GABRB1: variants seen among roughly 807,000 people sequenced by gnomAD.
The protein encoded by GABRB1 is gamma-aminobutyric acid receptor subunit beta-1.
Under a neutral mutation model 51.6 loss-of-function variants are expected in GABRB1, and 17 were observed. The observed-to-expected ratio is 0.33, with a 90% confidence interval of 0.23 to 0.49. GABRB1 has a LOEUF of 0.49. GABRB1 is among the 20% of genes least tolerant of loss of function. The probability of loss-of-function intolerance (pLI) is 0.99; values close to 1 mark genes in which losing one functional copy is unlikely to be tolerated. For synonymous variants in GABRB1, 247 were observed against 218.9 expected, an observed-to-expected ratio of 1.13 and a Z score of -1.14; for missense variants, 410 against 600.6, an observed-to-expected ratio of 0.68 and a Z score of 3.32.
At chr4:47,414,465 T>A (rs970605875) in intron 8 of GABRB1, among the ~76,000 whole-genome samples, 1 of 152,272 alleles carries the variant, frequency 6.6e-6, no homozygotes, top group Non-Finnish European at 1.5e-5. Flanking sequence ...GATTAGCATC[T>A]CCAAAGGAGG....
intron 5 of GABRB1, among the ~76,000 whole-genome samples, chr4:47,335,158 C>G (rs62304136): frequency 0.039 from 5,908 of 152,192 alleles, 123 homozygotes; most frequent in Admixed American, 0.065. Context: ...AGGGTCTCAG[C>G]CATGGTCCAG....
At chr4:47,165,907 G>A (rs146251192) in intron 4 of GABRB1, among the ~76,000 whole-genome samples, 4 of 152,078 alleles carry the variant, frequency 2.6e-5, no homozygotes, top group African/African-American at 7.2e-5. Context: ...GAAGGCAACT[G>A]TAATTCCACG....
intron 4 of GABRB1, among the ~76,000 whole-genome samples, chr4:47,314,592 A>G (rs1228948275): frequency 6.6e-6 from 1 of 151,968 alleles, no homozygotes; most frequent in Non-Finnish European, 1.5e-5. Context: ...TAATGGTGCC[A>G]CAAATATTGG....
intron 3 of GABRB1, among the ~76,000 whole-genome samples, chr4:47,128,815 G>A (rs1313182417): frequency 6.6e-6 from 1 of 151,768 alleles, no homozygotes; most frequent in Admixed American, 6.6e-5. Context: ...TTCGGATTTT[G>A]CCATTCTCTC....
intron 5 of GABRB1, among the ~76,000 whole-genome samples, chr4:47,361,558 G>T (rs969596894): frequency 2.6e-5 from 4 of 152,118 alleles, no homozygotes; most frequent in African/African-American, 9.7e-5. Flanking sequence ...CTGTCACCTG[G>T]CTGCCACAAT....
chr4:47,148,517 G>A (rs1472070844), intron 3 of GABRB1, among the ~76,000 whole-genome samples: 1 of 152,022 alleles, frequency 6.6e-6, no homozygotes, highest in Non-Finnish European at 1.5e-5. Context: ...TCTAGCAAGG[G>A]AAATATAGTT....
chr4:47,401,449 C>T (rs532183703), intron 5 of GABRB1, among the ~76,000 whole-genome samples: 2 of 152,152 alleles, frequency 1.3e-5, no homozygotes, highest in African/African-American at 2.4e-5. Flanking sequence ...CTTTAGTAGG[C>T]CCAACAGCCC....
At chr4:47,262,605 A>G (rs7665526) in intron 4 of GABRB1, among the ~76,000 whole-genome samples, 28,993 of 151,994 alleles carry the variant, frequency 0.19, 2,835 homozygotes, top group East Asian at 0.25. Flanking sequence ...GGGAGTGTAA[A>G]CTAGTTCAAC....
At chr4:47,316,402 A>G (rs1025283225) in intron 4 of GABRB1, among the ~76,000 whole-genome samples, 3 of 151,988 alleles carry the variant, frequency 2.0e-5, no homozygotes, top group Admixed American at 6.6e-5. Context: ...GTTGCAGCAT[A>G]TGACGGGATT....
upstream of GABRB1, among the ~76,000 whole-genome samples, chr4:47,028,979 C>T (rs770015277): frequency 1.3e-5 from 2 of 151,192 alleles, no homozygotes; most frequent in African/African-American, 4.8e-5. Context: ...CTGCACCTTG[C>T]TCTTGTTTCG....
intron 3 of GABRB1, among the ~76,000 whole-genome samples, chr4:47,125,010 TGAA>T (rs1716051825): frequency 1.3e-5 from 2 of 152,126 alleles, no homozygotes; most frequent in East Asian, 1.9e-4. Flanking sequence ...AGGATTAACC[TGAA>T]GAAGATTATA....
At chr4:47,163,004 T>C (rs988111752) in intron 4 of GABRB1, among the ~76,000 whole-genome samples, 3 of 152,064 alleles carry the variant, frequency 2.0e-5, no homozygotes, top group African/African-American at 7.2e-5. Flanking sequence ...CTCACAGATT[T>C]GGTTTTCCTT....
chr4:47,321,073 A>G (rs1273280484), intron 5 of GABRB1, among the ~76,000 whole-genome samples: 1 of 152,236 alleles, frequency 6.6e-6, no homozygotes. Flanking sequence ...CCATCAGCCT[A>G]TAGGTATTTG....
intron 5 of GABRB1, among the ~76,000 whole-genome samples, chr4:47,360,542 T>C (rs1354602839): frequency 6.6e-6 from 1 of 152,128 alleles, no homozygotes; most frequent in African/African-American, 2.4e-5. Context: ...GGAGTAAAAG[T>C]GCAGATAAAA....
At chr4:47,264,544 C>T (rs781215658) in intron 4 of GABRB1, among the ~76,000 whole-genome samples, 10 of 152,064 alleles carry the variant, frequency 6.6e-5, no homozygotes, top group Non-Finnish European at 1.2e-4. Flanking sequence ...GAAACTGAAA[C>T]GCTTCACAGT....
At chr4:47,337,310 G>A (rs1725734294) in intron 5 of GABRB1, among the ~76,000 whole-genome samples, 1 of 152,148 alleles carries the variant, frequency 6.6e-6, no homozygotes, top group Admixed American at 6.6e-5. Flanking sequence ...CAGGGATGTA[G>A]GAGAAAAAGC....
At chr4:47,284,192 C>G (rs1312016891) in intron 4 of GABRB1, among the ~76,000 whole-genome samples, 1 of 151,812 alleles carries the variant, frequency 6.6e-6, no homozygotes, top group East Asian at 1.9e-4. Flanking sequence ...TTTTCTGTCC[C>G]TCGAGATTGA....
intron 5 of GABRB1, among the ~76,000 whole-genome samples, chr4:47,355,802 C>T: frequency 6.6e-6 from 1 of 152,156 alleles, no homozygotes; most frequent in East Asian, 1.9e-4. Context: ...TTTGGTTCAT[C>T]AACTGTGTGA....
At chr4:47,420,939 C>A (rs1364230525) in intron 8 of GABRB1, among the ~76,000 whole-genome samples, 7 of 111,764 alleles carry the variant, frequency 6.3e-5, no homozygotes, top group Admixed American at 4.2e-4. Context: ...TACATACACA[C>A]ACAAACACAC....
Sources: allele counts gnomAD v4.1 joint callset (sites outside exome capture counted in the v4.1 genomes callset), GRCh38; gene constraint gnomAD v4.1.1; transcripts MANE v1.5; gene names NCBI Gene and HGNC (gene_info 2026-07-23, HGNC 2026-07-21).